Variants in ATG4B observed in about 807,000 individuals in gnomAD.
ATG4B encodes the protein cysteine protease ATG4B.
Under a neutral mutation model 56.6 loss-of-function variants are expected in ATG4B, and 29 were observed. The observed-to-expected ratio is 0.51, with a 90% CI of 0.38 to 0.70. The LOEUF is 0.70. ATG4B is among the 30% of genes least tolerant of loss of function. The pLI, the probability that ATG4B is intolerant of heterozygous loss-of-function variation, is 0.00. For missense variants in ATG4B, 461 were observed against 515.5 expected (o/e 0.89, Z 1.02); for synonymous variants, 224 against 206.1 (o/e 1.09, Z -0.74).
At chr2:241,644,707 T>C (rs955220078) in intron 1 of ATG4B, among the ~76,000 whole-genome samples, 4 of 152,062 alleles carry the variant, frequency 2.6e-5, no homozygotes, top group Non-Finnish European at 4.4e-5. Flanking sequence ...CCCAGCACTT[T>C]CGGAAGCTGA....
At position 241,653,623 on chromosome 2, in the gene ATG4B, C is replaced by T; in HGVS notation, c.283+13C>T. The T allele has an allele frequency of 6.4e-7, 1 of 1,557,846 alleles. No individual in the cohort carries two copies. On this transcript the variant is annotated intron_variant, in intron 4 of 12. Coordinates refer to ENST00000404914, the MANE Select transcript of ATG4B (RefSeq NM_013325.5). ...CACCTAGGCCGAGGTGAGTCACAGC[C>T]CTGGGGAGGGCGCATGGCCACGGTG...
At position 241,668,363 on chromosome 2, in the gene ATG4B, C is replaced by T. The variant is rs148199131; in HGVS notation, c.811+142C>T. The stretch of plus-strand genomic sequence containing the variant: ...CTGGGGTTCATTTTCAGCCTGGTCG[C>T]GGGCGGCCTCCTGTGTGCCCCTTTC... On this transcript the variant is annotated intron_variant, in intron 9 of 12. Transcript: ENST00000404914. This position sits in a 1 kb window ranked among gnomAD's most constrained non-coding sequence, Gnocchi z 4.2. 2.0e-5 allele frequency: 27 copies of T among 1,360,634 alleles called. No homozygotes were observed. Among genetic ancestry groups the T allele is most frequent in the African/African-American group, 5.8e-5 (4 of 69,106 alleles). 84.3% of individuals were successfully genotyped at this position (1,360,634 alleles called of 1,614,324 possible). A position where few individuals can be genotyped will look rare whatever the true frequency, so the allele number is the denominator to read the frequency against.
At position 241,661,302 on chromosome 2, in the gene ATG4B, A is replaced by G. The variant is rs541516376; in HGVS notation, c.538+2115A>G. Among the ~76,000 whole-genome samples, 14 of 152,360 alleles carry G rather than the reference A, an allele frequency of 9.2e-5. No individual in the cohort carries two copies. In the East Asian group the frequency reaches 1.4e-3, roughly 15 times the overall value. ...GGAAGAAAGGCATCCACATCCAGCC[A>G]GCAAAGGCACTGGCATTGATGCACA... On this transcript the variant is annotated intron_variant, in intron 7 of 12. Transcript: ENST00000404914.
At chr2:241,652,509 A>T (rs1435633091) in intron 3 of ATG4B, among the ~76,000 whole-genome samples, 1 of 152,174 alleles carries the variant, frequency 6.6e-6, no homozygotes, top group Non-Finnish European at 1.5e-5. Context: ...AGCCCCACGG[A>T]GATAATTTTT....
In ATG4B at chr2:241,653,635, G is replaced by A. The variant is rs146899920; in HGVS notation, c.283+25G>A. ...GGTGAGTCACAGCCCTGGGGAGGGC[G>A]CATGGCCACGGTGTTCTCAGGAAGC... On this transcript the variant is annotated intron_variant, in intron 4 of 12. Transcript: ENST00000404914. The A allele has an allele frequency of 2.2e-3, 3,461 of 1,551,430 alleles. 5 individuals are homozygous for A. The highest frequency in any genetic ancestry group is 2.7e-3 in the Non-Finnish European group (3,145 of 1,146,114).
chr2:241,645,150 G>T (rs2068025383), intron 1 of ATG4B, among the ~76,000 whole-genome samples: 1 of 152,118 alleles, frequency 6.6e-6, no homozygotes, highest in Admixed American at 6.5e-5. Context: ...CCTGCCGAGG[G>T]CATTCCTTCC....
At chr2:241,654,418 TTAA>T in intron 4 of ATG4B, 125 bp from the exon 5 acceptor site, 7 of 619,904 alleles carry the variant, frequency 1.1e-5, no homozygotes, top group Admixed American at 1.0e-4. Context: ...GAGACTCTGT[TTAA>T]AAAAAAAAAA....
At position 241,668,321 on chromosome 2, in the gene ATG4B, T is replaced by C; in HGVS notation, c.811+100T>C. Reference sequence around the variant, plus strand: ...CCAGGTGACCACTTGAGGCCACTGGTGGAAAAGCAGCATGCCCTGGGGTTC... The same window carrying C: ...CCAGGTGACCACTTGAGGCCACTGGCGGAAAAGCAGCATGCCCTGGGGTTC... On this transcript the variant is annotated intron_variant, in intron 9 of 12. Coordinates refer to ENST00000404914, the MANE Select transcript of ATG4B (RefSeq NM_013325.5). This position sits in a 1 kb window ranked among gnomAD's most constrained non-coding sequence, Gnocchi z 4.2. 6.9e-7 allele frequency: 1 copy of C among 1,439,000 alleles called. No homozygotes were observed. The highest frequency in any genetic ancestry group is 9.5e-7 in the Non-Finnish European group (1 of 1,047,242). The allele number at this position is 1,439,000 out of a possible 1,614,324, so 89.1% of individuals were successfully genotyped here.
intron 1 of ATG4B, among the ~76,000 whole-genome samples, chr2:241,649,616 T>G (rs1406819993): frequency 6.6e-6 from 1 of 152,188 alleles, no homozygotes; most frequent in Non-Finnish European, 1.5e-5. Context: ...GAATACGCAA[T>G]GGGCATCTCG....
At chr2:241,662,758 T>C (rs928793585) in intron 7 of ATG4B, among the ~76,000 whole-genome samples, 2 of 151,638 alleles carry the variant, frequency 1.3e-5, no homozygotes, top group African/African-American at 4.8e-5. Context: ...GCATGGTGGC[T>C]CACGCCTATA....
chr2:241,655,392 C>G (rs762923509), intron 6 of ATG4B, 49 bp downstream of exon 6: 3 of 1,555,100 alleles, frequency 1.9e-6, no homozygotes, highest in Admixed American at 1.9e-5. Flanking sequence ...GGGATGTTCC[C>G]TGGGGGTTAA....
At chr2:241,659,251 C>A in intron 7 of ATG4B, 64 bp downstream of exon 7, 1 of 1,429,850 alleles carries the variant, frequency 7.0e-7, no homozygotes, top group Non-Finnish European at 9.8e-7. Flanking sequence ...CACACTTCCT[C>A]GCCTGAGTCC....
chr2:241,647,155 G>A (rs531661072), intron 1 of ATG4B, among the ~76,000 whole-genome samples: 114 of 152,274 alleles, frequency 7.5e-4, no homozygotes, highest in Admixed American at 1.3e-3. Flanking sequence ...CCTAATTAAG[G>A]AACATCTGTA....
chr2:241,662,353 T>A (rs925422660), intron 7 of ATG4B, among the ~76,000 whole-genome samples: 7 of 152,208 alleles, frequency 4.6e-5, no homozygotes, highest in Non-Finnish European at 1.0e-4. Flanking sequence ...GGAAAATGTT[T>A]AGAATTCTGA....
chr2:241,664,453 C>G (rs1001931441), intron 7 of ATG4B, among the ~76,000 whole-genome samples: 2 of 152,028 alleles, frequency 1.3e-5, no homozygotes, highest in Non-Finnish European at 2.9e-5. Flanking sequence ...TGGGAGGATC[C>G]CATGAGCCTG....
At chr2:241,655,199 TG>T in intron 5 of ATG4B, 71 bp from the exon 6 acceptor site, 1 of 1,496,764 alleles carries the variant, frequency 6.7e-7, no homozygotes, top group Non-Finnish European at 9.1e-7. Flanking sequence ...ACGTGTCTCC[TG>T]GCACCACGTG....
chr2:241,654,829 A>G (rs905209445), intron 5 of ATG4B, 182 bp downstream of exon 5: 1 of 601,226 alleles, frequency 1.7e-6, no homozygotes. Flanking sequence ...ATCCCACATC[A>G]CCCCCGTCCC....
At chr2:241,664,873 AG>A (rs1359214728) in intron 7 of ATG4B, among the ~76,000 whole-genome samples, 3 of 152,184 alleles carry the variant, frequency 2.0e-5, no homozygotes, top group African/African-American at 7.2e-5. Context: ...CTGAGGCAGG[AG>A]AATTGCTTGA....
intron 1 of ATG4B, among the ~76,000 whole-genome samples, chr2:241,642,805 A>G (rs978343317): frequency 7.1e-6 from 1 of 141,216 alleles, no homozygotes; most frequent in Non-Finnish European, 1.5e-5. Flanking sequence ...TCTGGGATCC[A>G]GCCGACCAAA....
Sources: allele counts gnomAD v4.1 joint callset (sites outside exome capture counted in the v4.1 genomes callset), GRCh38; gene constraint gnomAD v4.1.1; non-coding constraint Gnocchi (gnomAD v3.1); transcripts MANE v1.5; gene names NCBI Gene and HGNC (gene_info 2026-07-23, HGNC 2026-07-21).